Variants in TRAK1 observed in about 807,000 individuals in gnomAD.
TRAK1 encodes trafficking kinesin-binding protein 1.
In TRAK1, 33 loss-of-function variants were observed where a neutral mutation model predicts 92.1. That is an observed-to-expected ratio of 0.36 (90% confidence interval 0.27 to 0.48). The LOEUF is 0.48. Ranked by LOEUF, TRAK1 falls within the 20% of genes least tolerant of loss-of-function variation. TRAK1 has a pLI of 0.99. For synonymous variants in TRAK1, 521 were observed against 517.3 expected, an observed-to-expected ratio of 1.01 and a Z score of -0.10; for missense variants, 1,123 against 1,257.9, an observed-to-expected ratio of 0.89 and a Z score of 1.62.
chr3:42,072,721 T>C (rs1406803760), intron 1 of TRAK1, among the ~76,000 whole-genome samples: 4 of 152,184 alleles, frequency 2.6e-5, no homozygotes, highest in Non-Finnish European at 5.9e-5. Context: ...TGTGGATCGA[T>C]TAAATGGATT....
chr3:42,205,822 A>G (rs1708263978), intron 13 of TRAK1, among the ~76,000 whole-genome samples: 1 of 152,272 alleles, frequency 6.6e-6, no homozygotes, highest in South Asian at 2.1e-4. Flanking sequence ...ATGGAAGGAA[A>G]GCAGAGGGGG....
At chr3:42,108,955 G>C (rs953277649) in intron 1 of TRAK1, among the ~76,000 whole-genome samples, 7 of 152,180 alleles carry the variant, frequency 4.6e-5, no homozygotes, top group Non-Finnish European at 2.9e-5. Context: ...TTTAGAGAAA[G>C]AAGAGTTATA....
At chr3:42,200,448 G>C (rs1707362551) in intron 11 of TRAK1, among the ~76,000 whole-genome samples, 1 of 152,142 alleles carries the variant, frequency 6.6e-6, no homozygotes, top group Non-Finnish European at 1.5e-5. Flanking sequence ...ACACTGCCCT[G>C]CTGCAGCGTT....
At chr3:42,073,501 C>T (rs1025148454) in intron 1 of TRAK1, among the ~76,000 whole-genome samples, 4 of 152,216 alleles carry the variant, frequency 2.6e-5, no homozygotes, top group South Asian at 2.1e-4. Flanking sequence ...TTTTCCCCAA[C>T]CCCTGCCTCA....
At position 42,224,133 on chromosome 3, in the gene TRAK1, G is replaced by A. The variant is rs141809893; in HGVS notation, c.*396G>A. 2.7e-4 allele frequency: 126 copies of A among 460,790 alleles called. 2 individuals carry two copies. In the East Asian group the frequency reaches 7.4e-3, roughly 27 times the overall value. The allele number at this position is 460,790 out of a possible 1,614,324, so 28.5% of individuals were successfully genotyped here. The stretch of plus-strand genomic sequence containing the variant: ...GTGAATTCCGTGGCTGGCACACCAC[G>A]AGCTGTCACGCGGCACGGGTCATAA... On this transcript the variant is annotated 3_prime_UTR_variant, in exon 16 of 16. Coordinates refer to ENST00000327628, the MANE Select transcript of TRAK1 (RefSeq NM_001042646.3).
intron 4 of TRAK1, 169 bp downstream of exon 4, chr3:42,184,970 T>TA (rs1704583526): frequency 3.4e-6 from 2 of 585,170 alleles, no homozygotes; most frequent in East Asian, 5.5e-5. Flanking sequence ...ACCTGGGGAC[T>TA]AAAAGCCACC....
chr3:42,188,020 T>C, intron 4 of TRAK1, 25 bp from the exon 5 acceptor site: 1 of 1,607,902 alleles, frequency 6.2e-7, no homozygotes, highest in Non-Finnish European at 8.5e-7. Context: ...GGGAAGCAAA[T>C]GATGGGCCTG....
chr3:42,014,692 G>T lies in TRAK1; in HGVS notation c.-519+575G>T, dbSNP rs73075240. On this transcript the variant is annotated intron_variant, in intron 1 of 16. Coordinates refer to the TRAK1 transcript ENST00000487159. ...CGGCCTGCTCTTGAGGCTGGTGCTG[G>T]GTGCCCCTTCCGCTTTAAGCTTGCC... Among the ~76,000 whole-genome samples the T allele has an allele frequency of 1.0e-2, 1,516 of 152,270 alleles. 10 individuals are homozygous for T. Among genetic ancestry groups the T allele is most frequent in the Non-Finnish European group, 0.016 (1,108 of 68,014 alleles).
chr3:42,183,937 G>C (rs73828585), intron 3 of TRAK1, among the ~76,000 whole-genome samples: 9,082 of 152,132 alleles, frequency 0.06, 285 homozygotes, highest in Middle Eastern at 0.085. Flanking sequence ...ATTTTCCTCT[G>C]TATACTGGCT....
At chr3:42,049,556 A>G (rs1047215672) in intron 1 of TRAK1, among the ~76,000 whole-genome samples, 5 of 151,730 alleles carry the variant, frequency 3.3e-5, no homozygotes, top group Non-Finnish European at 7.4e-5. Context: ...CATTTCTTTG[A>G]TAATTTCCTC....
Position 42,091,393 on chromosome 3 carries a change from G to T in TRAK1, c.-77G>T. On this transcript the variant is annotated 5_prime_UTR_variant, in exon 1 of 16. Transcript: ENST00000327628. ...GAGGAAGGCACGGGAGGGTGGCTGT[G>T]CGAGGTACTGCCGGGGCTGAGCTCT... The T allele has an allele frequency of 7.4e-7, 1 of 1,342,538 alleles. No individual in the cohort carries two copies. Among genetic ancestry groups the T allele is most frequent in the Non-Finnish European group, 1.0e-6 (1 of 955,998 alleles). 83.2% of individuals were successfully genotyped at this position (1,342,538 alleles called of 1,614,324 possible).
chr3:42,165,204 G>A (rs1361115259), intron 2 of TRAK1, among the ~76,000 whole-genome samples: 1 of 152,202 alleles, frequency 6.6e-6, no homozygotes, highest in African/African-American at 2.4e-5. Context: ...AACACGGGCT[G>A]CAGGAGAGAG....
At chr3:42,051,837 G>A (rs1270099929) in intron 1 of TRAK1, 2 of 152,214 alleles carry the variant, frequency 1.3e-5, no homozygotes, top group Admixed American at 6.5e-5. Context: ...GACAATGGAG[G>A]TCTGGCTGCT....
At chr3:42,153,647 A>G (rs936229153) in intron 2 of TRAK1, among the ~76,000 whole-genome samples, 5 of 152,184 alleles carry the variant, frequency 3.3e-5, no homozygotes, top group Non-Finnish European at 7.3e-5. Context: ...ATGAAGATTT[A>G]TGGTATACGC....
intron 13 of TRAK1, 143 bp from the exon 14 acceptor site, chr3:42,209,624 C>T: frequency 1.3e-6 from 1 of 763,562 alleles, no homozygotes. Context: ...ACTGAAGTTC[C>T]CGCTGCAGTC....
intron 1 of TRAK1, among the ~76,000 whole-genome samples, chr3:42,094,419 T>A (rs578011172): frequency 1.3e-5 from 2 of 152,240 alleles, no homozygotes; most frequent in Non-Finnish European, 2.9e-5. Context: ...TCACATAGGC[T>A]GGAGTGCAGT....
chr3:42,180,799 A>G (rs1008882963), intron 3 of TRAK1, among the ~76,000 whole-genome samples: 1 of 151,880 alleles, frequency 6.6e-6, no homozygotes, highest in South Asian at 2.1e-4. Context: ...ACTTGTAGGT[A>G]TTTTTCAATG....
intron 10 of TRAK1, among the ~76,000 whole-genome samples, chr3:42,198,582 G>A (rs1707079947): frequency 6.6e-6 from 1 of 152,164 alleles, no homozygotes; most frequent in Non-Finnish European, 1.5e-5. Flanking sequence ...CTCACGTCAC[G>A]TCTGTAGAGA....
At chr3:42,180,964 A>G (rs907589350) in intron 3 of TRAK1, among the ~76,000 whole-genome samples, 3 of 152,156 alleles carry the variant, frequency 2.0e-5, no homozygotes, top group Non-Finnish European at 4.4e-5. Flanking sequence ...CATTTCTGGT[A>G]TAGACCAGGG....
Sources: gnomAD v4.1 joint callset for allele counts (sites outside exome capture counted in the v4.1 genomes callset) on GRCh38, gnomAD v4.1.1 for gene constraint, MANE v1.5 for transcripts, NCBI Gene and HGNC (gene_info 2026-07-23, HGNC 2026-07-21) for gene names.